Variants in PALLD observed in about 807,000 individuals in gnomAD.
PALLD encodes palladin, cytoskeletal associated protein.
In PALLD, 61 loss-of-function variants were observed where a neutral mutation model predicts 123.5. The ratio of observed to expected loss-of-function variants is 0.49; its 90% CI spans 0.40 to 0.61. The LOEUF (loss-of-function observed/expected upper bound fraction) is 0.61, where lower values mean the gene tolerates loss of function less well. Ranked by LOEUF, PALLD falls within the 20% of genes least tolerant of loss-of-function variation. PALLD has a pLI of 0.00. For missense variants in PALLD, 1,273 were observed against 1,377.0 expected (o/e 0.92, Z 1.20); for synonymous variants, 465 against 496.4 (o/e 0.94, Z 0.84).
At chr4:168,804,884 G>A (rs969559337) in intron 10 of PALLD, among the ~76,000 whole-genome samples, 1 of 151,840 alleles carries the variant, frequency 6.6e-6, no homozygotes, top group Admixed American at 6.6e-5. Context: ...AGCGAGGCCG[G>A]GTGTGGTGGC....
At chr4:168,816,411 A>ATTT (rs201234473) in intron 10 of PALLD, among the ~76,000 whole-genome samples, 3 of 113,696 alleles carry the variant, frequency 2.6e-5, no homozygotes, top group South Asian at 2.8e-4. Flanking sequence ...ATATATATAT[A>ATTT]TATTTTTTTT....
chr4:168,805,909 G>A (rs1740123700), intron 10 of PALLD, among the ~76,000 whole-genome samples: 1 of 152,100 alleles, frequency 6.6e-6, no homozygotes, highest in South Asian at 2.1e-4. Context: ...TCATTGTATA[G>A]TCCTTTGATG....
At chr4:168,699,181 T>G (rs889300545) in intron 8 of PALLD, among the ~76,000 whole-genome samples, 26 of 152,218 alleles carry the variant, frequency 1.7e-4, no homozygotes, top group East Asian at 9.7e-4. Context: ...CAGGTTCAAG[T>G]GATTCTCCTG....
At chr4:168,684,617 T>C (rs1440157369) in intron 5 of PALLD, among the ~76,000 whole-genome samples, 1 of 152,138 alleles carries the variant, frequency 6.6e-6, no homozygotes, top group African/African-American at 2.4e-5. Context: ...ATAGAGTAAA[T>C]ATTAATACTA....
At chr4:168,878,484 G>C in intron 10 of PALLD, 2 of 990,864 alleles carry the variant, frequency 2.0e-6, no homozygotes, top group Non-Finnish European at 2.8e-6. Flanking sequence ...GCTCCCATCA[G>C]CCTGCAACCC....
intron 2 of PALLD, among the ~76,000 whole-genome samples, chr4:168,584,096 A>G (rs1002152800): frequency 1.3e-5 from 2 of 152,194 alleles, no homozygotes; most frequent in East Asian, 3.8e-4. Context: ...ATCAGATTCT[A>G]TCCCTATCCC....
chr4:168,915,510 T>C (rs1347553099), intron 16 of PALLD, among the ~76,000 whole-genome samples: 1 of 152,236 alleles, frequency 6.6e-6, no homozygotes, highest in East Asian at 1.9e-4. Flanking sequence ...AACTTTTAAT[T>C]TCCTACAAAT....
At chr4:168,801,191 A>G (rs1259228650) in intron 10 of PALLD, among the ~76,000 whole-genome samples, 1 of 152,206 alleles carries the variant, frequency 6.6e-6, no homozygotes, top group African/African-American at 2.4e-5. Flanking sequence ...AGGCACACAC[A>G]GGAATCTTCT....
At chr4:168,817,387 G>A (rs1742121293) in intron 10 of PALLD, among the ~76,000 whole-genome samples, 2 of 152,166 alleles carry the variant, frequency 1.3e-5, no homozygotes, top group Admixed American at 1.3e-4. Flanking sequence ...GACATGTCCT[G>A]AACACTGAAT....
At chr4:168,750,975 A>G (rs1349848626) in intron 10 of PALLD, among the ~76,000 whole-genome samples, 1 of 146,294 alleles carries the variant, frequency 6.8e-6, no homozygotes, top group African/African-American at 2.6e-5. Flanking sequence ...GAGATCACAT[A>G]TTTTATATAT....
At chr4:168,500,253 T>C (rs1761257986) in intron 1 of PALLD, among the ~76,000 whole-genome samples, 1 of 152,224 alleles carries the variant, frequency 6.6e-6, no homozygotes, top group Non-Finnish European at 1.5e-5. Context: ...CTTTCTCATG[T>C]ATATTCCTTG....
In PALLD at chr4:168,689,318, C is replaced by T. The variant is rs542215953; in HGVS notation, c.1336-1285C>T. Among the ~76,000 whole-genome samples, 13 of 150,056 alleles carry T rather than the reference C, an allele frequency of 8.7e-5. 1 individual carries two copies. In the South Asian group the frequency reaches 2.5e-3, roughly 29 times the overall value. On this transcript the variant is annotated intron_variant, in intron 6 of 21. Transcript: ENST00000505667. ...TTAAACACACATGCATACAAACAAA[C>T]AAAACAATTCACACTTCCTAATGAA...
intron 10 of PALLD, among the ~76,000 whole-genome samples, chr4:168,860,319 A>G (rs1383541488): frequency 2.0e-5 from 3 of 152,206 alleles, no homozygotes; most frequent in African/African-American, 4.8e-5. Flanking sequence ...AGCTGGACAG[A>G]AGCCCCCTCG....
At chr4:168,744,121 C>A (rs2150357997) in intron 10 of PALLD, among the ~76,000 whole-genome samples, 1 of 152,292 alleles carries the variant, frequency 6.6e-6, no homozygotes, top group East Asian at 1.9e-4. Flanking sequence ...GAGGACAACA[C>A]TCTGGGGCAG....
intron 10 of PALLD, among the ~76,000 whole-genome samples, chr4:168,718,875 T>C (rs1251931396): frequency 6.6e-6 from 1 of 152,098 alleles, no homozygotes; most frequent in Non-Finnish European, 1.5e-5. Context: ...GTAGAAATGA[T>C]TGATAATTCC....
At chr4:168,895,919 G>A (rs1358919448) in intron 12 of PALLD, among the ~76,000 whole-genome samples, 1 of 152,130 alleles carries the variant, frequency 6.6e-6, no homozygotes, top group African/African-American at 2.4e-5. Context: ...AGTTGAAAGT[G>A]CATTTAAGGC....
At chr4:168,759,914 G>A (rs1732583401) in intron 10 of PALLD, among the ~76,000 whole-genome samples, 1 of 151,816 alleles carries the variant, frequency 6.6e-6, no homozygotes, top group Admixed American at 6.6e-5. Flanking sequence ...ATTAGCCAGG[G>A]GTGGTGGCTC....
chr4:168,712,021 A>G (rs1410870834), intron 10 of PALLD, 98 bp downstream of exon 10: 2 of 1,020,254 alleles, frequency 2.0e-6, no homozygotes, highest in African/African-American at 3.2e-5. Flanking sequence ...ACTATGTGGC[A>G]AGTTGGCCTT....
chr4:168,678,454 G>A (rs538947487), intron 3 of PALLD, among the ~76,000 whole-genome samples: 2 of 152,154 alleles, frequency 1.3e-5, no homozygotes, highest in African/African-American at 2.4e-5. Context: ...AAACAAGAAC[G>A]CTGGGAGTTC....
Sources: gnomAD v4.1 joint callset for allele counts (sites outside exome capture counted in the v4.1 genomes callset) on GRCh38, gnomAD v4.1.1 for gene constraint, MANE v1.5 for transcripts, NCBI Gene and HGNC (gene_info 2026-07-23, HGNC 2026-07-21) for gene names.